GTF2E1: variants seen among roughly 807,000 people sequenced by gnomAD.
GTF2E1 encodes general transcription factor IIE subunit 1, also known as TFIIE alpha subunit.
In GTF2E1, 14 loss-of-function variants were observed where a neutral mutation model predicts 34.9. The ratio of observed to expected loss-of-function variants is 0.40; its 90% CI spans 0.27 to 0.63. The LOEUF (loss-of-function observed/expected upper bound fraction) is 0.63, where lower values mean the gene tolerates loss of function less well. GTF2E1 is among the 20% of genes least tolerant of loss of function. The pLI is 0.39. For missense variants in GTF2E1, 469 were observed against 557.7 expected, an observed-to-expected ratio of 0.84 and a Z score of 1.60; for synonymous variants, 188 against 192.9, an observed-to-expected ratio of 0.97 and a Z score of 0.21.
In GTF2E1 at chr3:120,750,719, G is replaced by A. The variant is rs756380266; in HGVS notation, c.167G>A (p.Arg56Gln). 15 of 1,613,838 alleles carry A rather than the reference G, an allele frequency of 9.3e-6. No individual in the cohort carries two copies. Among genetic ancestry groups the A allele is most frequent in the East Asian group, 6.7e-5 (3 of 44,894 alleles). The change falls in exon 2 of 5, where the codon CGG becomes CAG. Residue 56 changes from arginine (R) to glutamine (Q), a missense_variant. Arg to Gln is a conservative substitution (Grantham distance 43, BLOSUM62 1). Coordinates refer to ENST00000283875, the MANE Select transcript of GTF2E1 (RefSeq NM_005513.3). ...EDMLELLKFDRKQLRSVLNNL... is the reference protein window; with the variant it reads ...EDMLELLKFDQKQLRSVLNNL... ...ATGCTGGAGCTGCTCAAGTTTGATC[G>A]GAAGCAACTTCGATCAGTTTTGAAT...
intron 4 of GTF2E1, among the ~76,000 whole-genome samples, chr3:120,777,074 C>G (rs541630630): frequency 6.6e-6 from 1 of 152,176 alleles, no homozygotes; most frequent in South Asian, 2.1e-4. Context: ...TTCATAAATA[C>G]CAAGGAGTGT....
chr3:120,750,584 C>T lies in GTF2E1; in HGVS notation c.32C>T (p.Pro11Leu). Reference sequence around the variant, plus strand: ...GACCCAGATGTCCTCACTGAAGTTCCAGCAGCATTGAAGCGGTTAGCCAAG... The same window carrying T: ...GACCCAGATGTCCTCACTGAAGTTCTAGCAGCATTGAAGCGGTTAGCCAAG... MADPDVLTEV[P>L]AALKRLAKYV... The change falls in exon 2 of 5, where the codon CCA becomes CTA. Residue 11 changes from proline (P) to leucine (L), a missense_variant. Physicochemically the swap from Pro to Leu is moderately conservative, Grantham distance 98. Transcript: ENST00000283875. The T allele has an allele frequency of 1.2e-6, 2 of 1,612,690 alleles. No homozygotes were observed. The highest frequency in any genetic ancestry group is 1.7e-6 in the Non-Finnish European group (2 of 1,178,778).
Position 120,771,549 on chromosome 3 carries a change from T to C in GTF2E1, c.650+620T>C, listed in dbSNP as rs141644569. ...TGAAAATTGGGGTCAGGGAGTGCTC[T>C]CCTACTCTACCCTTTTTTTTCTCTC... On this transcript the variant is annotated intron_variant, in intron 3 of 4. Transcript: ENST00000283875. Among the ~76,000 whole-genome samples, 19 of 152,224 alleles carry C rather than the reference T, an allele frequency of 1.2e-4. No homozygotes were observed. In the East Asian group the frequency reaches 3.7e-3, roughly 29 times the overall value.
chr3:120,778,641 A>G (rs1330570518), intron 4 of GTF2E1, among the ~76,000 whole-genome samples: 4 of 152,206 alleles, frequency 2.6e-5, no homozygotes, highest in African/African-American at 9.6e-5. Flanking sequence ...TAGTGACCAG[A>G]ATGATACATG....
chr3:120,780,980 A>T, intron 4 of GTF2E1, 63 bp from the exon 5 acceptor site: 1 of 1,015,396 alleles, frequency 9.8e-7, no homozygotes, highest in Non-Finnish European at 1.5e-6. Flanking sequence ...AATATTGTCT[A>T]TATGCTATAA....
intron 4 of GTF2E1, among the ~76,000 whole-genome samples, chr3:120,779,396 G>GGA (rs2107614285): frequency 6.6e-6 from 1 of 152,290 alleles, no homozygotes; most frequent in African/African-American, 2.4e-5. Context: ...GCTCTAAGGA[G>GGA]GAGGTTCAGC....
intron 3 of GTF2E1, among the ~76,000 whole-genome samples, chr3:120,772,967 A>G (rs1000553661): frequency 6.6e-6 from 1 of 152,130 alleles, no homozygotes; most frequent in South Asian, 2.1e-4. Flanking sequence ...ATCAGGAATG[A>G]TGGTGACTCC....
chr3:120,757,467 T>G (rs1709218965), intron 2 of GTF2E1, among the ~76,000 whole-genome samples: 1 of 135,686 alleles, frequency 7.4e-6, no homozygotes, highest in African/African-American at 2.5e-5. Context: ...TTAAGTGTTC[T>G]GTGGTGAATT....
At position 120,751,001 on chromosome 3, in the gene GTF2E1, G is replaced by A; in HGVS notation, c.448+1G>A. ...AATCAGCTCTTTGATCCTATGACAG[G>A]TGAGGTTTATCCAGTTTGTGAATCT... On this transcript the variant is annotated splice_donor_variant, in intron 2 of 4. Coordinates refer to ENST00000283875, the MANE Select transcript of GTF2E1 (RefSeq NM_005513.3). LOFTEE classifies it high-confidence loss of function. 1 of 1,593,576 alleles carries A rather than the reference G, an allele frequency of 6.3e-7. No individual in the cohort carries two copies. Among genetic ancestry groups the A allele is most frequent in the Non-Finnish European group, 8.6e-7 (1 of 1,163,220 alleles).
Position 120,770,741 on chromosome 3 carries a change from T to C in GTF2E1, c.462T>C (p.Cys154=), listed in dbSNP as rs1348218935. 6.2e-7 allele frequency: 1 copy of C among 1,613,156 alleles called. No individual in the cohort carries two copies. The highest frequency in any genetic ancestry group is 2.2e-5 in the East Asian group (1 of 44,862). Residue 154 remains cysteine (C), a synonymous_variant, in exon 3 of 5, where the codon TGT becomes TGC. Coordinates refer to ENST00000283875, the MANE Select transcript of GTF2E1 (RefSeq NM_005513.3). ...TTTTCTCTGTAGGAACTTTCCGCTG[T>C]ACTTTTTGCCATACAGAGGTAGAAG... is the stretch of plus-strand genomic sequence containing the variant. ...LFDPMTGTFR[C]TFCHTEVEED...
At chr3:120,764,258 C>CT (rs1480111628) in intron 2 of GTF2E1, among the ~76,000 whole-genome samples, 1 of 152,072 alleles carries the variant, frequency 6.6e-6, no homozygotes. Context: ...CTACCCCCAA[C>CT]TAGAATGTGA....
At chr3:120,771,018 A>G in intron 3 of GTF2E1, 89 bp downstream of exon 3, 1 of 1,019,048 alleles carries the variant, frequency 9.8e-7, no homozygotes, top group Admixed American at 1.7e-5. Context: ...AGAGTGGGTA[A>G]TTTACTAGGA....
At chr3:120,768,707 T>C (rs1315329339) in intron 2 of GTF2E1, among the ~76,000 whole-genome samples, 1 of 152,202 alleles carries the variant, frequency 6.6e-6, no homozygotes, top group Non-Finnish European at 1.5e-5. Context: ...AACCCTACTT[T>C]ATGTGGTTTA....
intron 3 of GTF2E1, among the ~76,000 whole-genome samples, chr3:120,771,912 C>G (rs1709354792): frequency 6.6e-6 from 1 of 152,134 alleles, no homozygotes; most frequent in African/African-American, 2.4e-5. Context: ...GTAGATTGAA[C>G]AATAAGAAAA....
intron 4 of GTF2E1, among the ~76,000 whole-genome samples, chr3:120,777,622 A>G (rs1709412627): frequency 6.6e-6 from 1 of 152,172 alleles, no homozygotes; most frequent in South Asian, 2.1e-4. Flanking sequence ...GTGATGGTAA[A>G]GCAGCTAATA....
At chr3:120,774,852 GA>G (rs1352351274) in intron 3 of GTF2E1, among the ~76,000 whole-genome samples, 1 of 152,178 alleles carries the variant, frequency 6.6e-6, no homozygotes, top group Non-Finnish European at 1.5e-5. Context: ...GTGGAATAAT[GA>G]AAAGTATGCA....
chr3:120,759,613 G>A (rs1376628606), intron 2 of GTF2E1, among the ~76,000 whole-genome samples: 4 of 152,118 alleles, frequency 2.6e-5, no homozygotes, highest in African/African-American at 4.8e-5. Flanking sequence ...GTTAATTTTT[G>A]TATAAGGTGT....
At chr3:120,778,964 C>G (rs1256465932) in intron 4 of GTF2E1, among the ~76,000 whole-genome samples, 1 of 152,242 alleles carries the variant, frequency 6.6e-6, no homozygotes, top group South Asian at 2.1e-4. Context: ...TGCAACTTGG[C>G]CTTTCAGTAC....
At chr3:120,762,670 G>A (rs1170924303) in intron 2 of GTF2E1, among the ~76,000 whole-genome samples, 1 of 152,100 alleles carries the variant, frequency 6.6e-6, no homozygotes, top group Non-Finnish European at 1.5e-5. Flanking sequence ...TTTCAGCAGT[G>A]GCTGCAAGAC....
Sources: allele counts gnomAD v4.1 joint callset (sites outside exome capture counted in the v4.1 genomes callset), GRCh38; gene constraint gnomAD v4.1.1; transcripts MANE v1.5; gene names NCBI Gene and HGNC (gene_info 2026-07-23, HGNC 2026-07-21).